The following SFI1 variants were observed in gnomAD, a reference collection of about 807,000 sequenced individuals.
The protein encoded by SFI1 is protein SFI1 homolog.
In SFI1, 195 loss-of-function variants were observed where a neutral mutation model predicts 207.5. That is an observed-to-expected ratio of 0.94 (90% confidence interval 0.84 to 1.06). SFI1 has a LOEUF of 1.06. Ranked by LOEUF, SFI1 falls within the 50% of genes least tolerant of loss-of-function variation. The pLI is 0.00. For missense variants in SFI1, 1,634 were observed against 1,588.0 expected, an observed-to-expected ratio of 1.03 and a Z score of -0.49; for synonymous variants, 630 against 598.9, an observed-to-expected ratio of 1.05 and a Z score of -0.76.
intron 2 of SFI1, among the ~76,000 whole-genome samples, chr22:31,523,876 C>T (rs542356842): frequency 8.6e-5 from 13 of 151,660 alleles, no homozygotes; most frequent in African/African-American, 2.4e-4. Context: ...ATAAGTGTTC[C>T]TTGTAGATTA....
chr22:31,613,548 T>G lies in SFI1; in HGVS notation c.2742+18T>G. Reference sequence around the variant, plus strand: ...AGGTCCAGGTAGGCCCAGGGCCCCTTCCTGTGGGGAGCAGGCAGGGTGTGG... The same window carrying G: ...AGGTCCAGGTAGGCCCAGGGCCCCTGCCTGTGGGGAGCAGGCAGGGTGTGG... On this transcript the variant is annotated intron_variant, in intron 26 of 32. Transcript: ENST00000400288. The G allele has an allele frequency of 6.3e-7, 1 of 1,581,166 alleles. No individual in the cohort carries two copies. Among genetic ancestry groups the G allele is most frequent in the Non-Finnish European group, 8.6e-7 (1 of 1,164,460 alleles).
chr22:31,580,437 C>A, intron 12 of SFI1, 73 bp downstream of exon 12: 1 of 1,265,498 alleles, frequency 7.9e-7, no homozygotes. Context: ...TCAGTCTTGC[C>A]AAATTAAGCA....
chr22:31,588,546 G>A (rs929458979), intron 14 of SFI1, among the ~76,000 whole-genome samples: 1 of 152,188 alleles, frequency 6.6e-6, no homozygotes, highest in African/African-American at 2.4e-5. Flanking sequence ...TGGGCACGGT[G>A]GCTCATGCCT....
In SFI1 at chr22:31,559,949, C is replaced by G. The variant is rs969400410; in HGVS notation, c.663-1341C>G. The G allele has an allele frequency of 9.6e-6, 5 of 520,670 alleles. No homozygotes were observed. The African/African-American group carries it at 9.7e-5, about 10-fold the overall frequency. The allele number at this position is 520,670 out of a possible 1,614,324, so 32.3% of individuals were successfully genotyped here. On this transcript the variant is annotated intron_variant, in intron 7 of 32. Coordinates refer to ENST00000400288, the MANE Select transcript of SFI1 (RefSeq NM_001007467.3). ...GTCCAAGAAGAAATAAGTCTGCAGG[C>G]CTTGTCTGTTAATAAGTAGTTTATA... is the stretch of plus-strand genomic sequence containing the variant.
chr22:31,606,691 T>TTA, intron 21 of SFI1: 1 of 255,962 alleles, frequency 3.9e-6, no homozygotes, highest in Non-Finnish European at 7.1e-6. Flanking sequence ...TTTTCTTTTT[T>TTA]TCTTTTTTTT....
At chr22:31,529,027 G>A (rs2058211759) in intron 3 of SFI1, 164 bp downstream of exon 3, 2 of 608,102 alleles carry the variant, frequency 3.3e-6, no homozygotes, top group South Asian at 2.9e-5. Context: ...TCAGGAACCT[G>A]CAGACATAAA....
At chr22:31,576,456 G>A (rs2063517232) in intron 10 of SFI1, among the ~76,000 whole-genome samples, 2 of 151,648 alleles carry the variant, frequency 1.3e-5, no homozygotes, top group African/African-American at 4.9e-5. Flanking sequence ...GAGTAGCTGG[G>A]ATTACAGGCG....
chr22:31,604,237 T>C lies in SFI1; in HGVS notation c.1882-72T>C. On this transcript the variant is annotated intron_variant, in intron 18 of 32. Transcript: ENST00000400288. ...ACACTCACACAGATGATGTATAAAA[T>C]GGAGGCAAAGCAGGAAGCCACCCCC... The C allele has an allele frequency of 6.0e-6, 7 of 1,161,090 alleles. No individual in the cohort carries two copies. The South Asian group carries it at 9.2e-5, about 15-fold the overall frequency. The allele number at this position is 1,161,090 out of a possible 1,614,324, so 71.9% of individuals were successfully genotyped here. A position where few individuals can be genotyped will look rare whatever the true frequency, so the allele number is the denominator to read the frequency against.
intron 10 of SFI1, 58 bp downstream of exon 10, chr22:31,575,450 C>A: frequency 6.8e-7 from 1 of 1,463,552 alleles, no homozygotes; most frequent in Non-Finnish European, 9.1e-7. Context: ...ATGAGCTCAG[C>A]AGCATGTGAA....
intron 15 of SFI1, among the ~76,000 whole-genome samples, chr22:31,598,175 AGG>A (rs1192623262): frequency 6.6e-6 from 1 of 150,962 alleles, no homozygotes; most frequent in Non-Finnish European, 1.5e-5. Flanking sequence ...TTAGTAGAGA[AGG>A]GGTTTCACTG....
chr22:31,513,561 C>CATTTTGTTTTGTTTT lies in SFI1; in HGVS notation c.92+5185_92+5186insATTTTGTTTTGTTTT, dbSNP rs1555942774. Among the ~76,000 whole-genome samples, 4 of 146,008 alleles carry CATTTTGTTTTGTTTT rather than the reference C, an allele frequency of 2.7e-5. 1 individual carries two copies. Among genetic ancestry groups the CATTTTGTTTTGTTTT allele is most frequent in the Admixed American group, 2.1e-4 (3 of 14,472 alleles). On this transcript the variant is annotated intron_variant, in intron 2 of 32. Coordinates refer to ENST00000400288, the MANE Select transcript of SFI1 (RefSeq NM_001007467.3). ...TGGCAATCCCAGCACTTTGGTTTTT[C>CATTTTGTTTTGTTTT]GTTTTGTTTTGTTTTGTTTTGTTTT...
intron 29 of SFI1, chr22:31,615,519 A>G (rs1603371450): frequency 5.0e-6 from 2 of 399,856 alleles, no homozygotes; most frequent in East Asian, 7.3e-5. Flanking sequence ...GCAAAGAAAA[A>G]CCCCTGCCTG....
intron 1 of SFI1, among the ~76,000 whole-genome samples, chr22:31,499,850 CGGT>C (rs1221199814): frequency 6.6e-6 from 1 of 150,936 alleles, no homozygotes; most frequent in Non-Finnish European, 1.5e-5. Flanking sequence ...TTACCAGGCA[CGGT>C]GGTATGCGCC....
rs758754170 is a variant in SFI1, at chr22:31,615,229, C to T, written c.3250C>T (p.Leu1084=). The change falls in exon 29 of 33, where the codon CTG becomes TTG. Residue 1084 remains leucine (L), a synonymous_variant. Coordinates refer to ENST00000400288, the MANE Select transcript of SFI1 (RefSeq NM_001007467.3). ...PTASTGPELL[L]LPLSSFMPCG... is the part of the protein sequence containing the mutation. ...GGCAAGCACAGGCCCGGAGCTGCTGCTGCTGCCTCTTTCCTCCTTCATGCC... is the reference window on the plus strand; with the variant it reads ...GGCAAGCACAGGCCCGGAGCTGCTGTTGCTGCCTCTTTCCTCCTTCATGCC... The T allele has an allele frequency of 3.9e-6, 6 of 1,540,240 alleles. No individual in the cohort carries two copies. The East Asian group carries it at 9.0e-5, about 23-fold the overall frequency.
chr22:31,524,586 C>T (rs562255320), intron 2 of SFI1, among the ~76,000 whole-genome samples: 23 of 151,912 alleles, frequency 1.5e-4, no homozygotes, highest in African/African-American at 5.3e-4. Flanking sequence ...CCATGCTTGG[C>T]CAATTTTTTG....
chr22:31,583,958 C>T lies in SFI1; in HGVS notation c.1332C>T (p.Ala444=). The T allele has an allele frequency of 6.2e-7, 1 of 1,613,968 alleles. No homozygotes were observed. The highest frequency in any genetic ancestry group is 8.5e-7 in the Non-Finnish European group (1 of 1,179,884). Reference sequence around the variant, plus strand: ...AGCTGCTCCCCTTACTGCATGCTGCCTGGGACCACTACAGGTAGGGACTCT... The same window carrying T: ...AGCTGCTCCCCTTACTGCATGCTGCTTGGGACCACTACAGGTAGGGACTCT... ...ERELLPLLHA[A]WDHYRIALLC... is the part of the protein sequence containing the mutation. The change falls in exon 13 of 33, where the codon GCC becomes GCT. Residue 444 remains alanine (A), a synonymous_variant. Coordinates refer to ENST00000400288, the MANE Select transcript of SFI1 (RefSeq NM_001007467.3).
intron 14 of SFI1, 24 bp from the exon 15 acceptor site, chr22:31,589,423 A>G: frequency 1.3e-6 from 2 of 1,571,480 alleles, no homozygotes; most frequent in Admixed American, 2.0e-5. Flanking sequence ...TTAAGTACAA[A>G]GGTTATTCAT....
chr22:31,554,601 C>A (rs913622651), intron 6 of SFI1, among the ~76,000 whole-genome samples: 3 of 104,686 alleles, frequency 2.9e-5, no homozygotes, highest in Admixed American at 2.2e-4. Context: ...AGCCACTGCG[C>A]CCAGCCTTTT....
chr22:31,566,179 C>T lies in SFI1; in HGVS notation c.765+4787C>T, dbSNP rs149323805. On this transcript the variant is annotated intron_variant, in intron 8 of 32. Coordinates refer to ENST00000400288, the MANE Select transcript of SFI1 (RefSeq NM_001007467.3). ...CACAATCTCAGCTCACTGCAATCTC[C>T]GCCTCCCAGGTTCAAGCAATTCTTC... Among the ~76,000 whole-genome samples the T allele has an allele frequency of 5.1e-3, 771 of 151,472 alleles. 7 individuals are homozygous for T. The highest frequency in any genetic ancestry group is 0.017 in the African/African-American group (704 of 41,196).
Sources: allele counts gnomAD v4.1 joint callset (sites outside exome capture counted in the v4.1 genomes callset), GRCh38; gene constraint gnomAD v4.1.1; transcripts MANE v1.5; gene names NCBI Gene and HGNC (gene_info 2026-07-23, HGNC 2026-07-21).